The following ZFP41 variants were observed in gnomAD, a reference collection of about 807,000 sequenced individuals.
ZFP41 encodes zinc finger protein 41 homolog.
A neutral mutation model predicts 11.6 loss-of-function variants in ZFP41; 10 were observed. The observed-to-expected ratio is 0.86, with a 90% CI of 0.53 to 1.47. The LOEUF is 1.47. Ranked by LOEUF, ZFP41 falls within the 40% of genes most tolerant of loss-of-function variation. The pLI is 0.00. For missense variants in ZFP41, 302 were observed against 264.6 expected (o/e 1.14, Z -0.98); for synonymous variants, 123 against 100.9 (o/e 1.22, Z -1.31).
At chr8:143,253,742 C>T (rs993427719) in intron 2 of ZFP41, among the ~76,000 whole-genome samples, 2 of 152,106 alleles carry the variant, frequency 1.3e-5, no homozygotes, top group East Asian at 1.9e-4. Context: ...ATTCGGGTCA[C>T]GGGGACAGAT....
At chr8:143,254,733 A>G (rs1291552468) in intron 2 of ZFP41, among the ~76,000 whole-genome samples, 1 of 151,428 alleles carries the variant, frequency 6.6e-6, no homozygotes, top group Non-Finnish European at 1.5e-5. Flanking sequence ...CCCGCGGTCA[A>G]GCGATTCCCC....
chr8:143,250,135 C>T lies in ZFP41; in HGVS notation c.292C>T (p.His98Tyr). The T allele has an allele frequency of 6.2e-7, 1 of 1,614,176 alleles. No homozygotes were observed. The highest frequency in any genetic ancestry group is 8.5e-7 in the Non-Finnish European group (1 of 1,180,034). Reference sequence around the variant, plus strand: ...CAGTGAGTGTGGGCGGATCTTTAAGCACAAGACAGACCACATTCGCCATCA... The same window carrying T: ...CAGTGAGTGTGGGCGGATCTTTAAGTACAAGACAGACCACATTCGCCATCA... ...ECSECGRIFK[H>Y]KTDHIRHQRV... is the part of the protein sequence containing the mutation. Residue 98 changes from histidine to tyrosine, a missense_variant, in exon 2 of 3, where the codon CAC (histidine) becomes TAC (tyrosine). Coordinates refer to ENST00000330701, the MANE Select transcript of ZFP41 (RefSeq NM_173832.6).
intron 2 of ZFP41, among the ~76,000 whole-genome samples, chr8:143,256,053 T>G (rs1440546524): frequency 6.6e-4 from 24 of 36,540 alleles, no homozygotes; most frequent in East Asian, 1.9e-3. Context: ...GCTGGTGTTC[T>G]TGAGATCAGG....
At chr8:143,257,881 T>A (rs1319361425) in intron 2 of ZFP41, among the ~76,000 whole-genome samples, 1 of 152,210 alleles carries the variant, frequency 6.6e-6, no homozygotes, top group East Asian at 1.9e-4. Context: ...TCCAGGTGCT[T>A]TGCACGTGAG....
chr8:143,250,388 A>G lies in ZFP41; in HGVS notation c.545A>G (p.Tyr182Cys), dbSNP rs777544112. 8.7e-6 allele frequency: 14 copies of G among 1,613,872 alleles called. No individual in the cohort carries two copies. Among genetic ancestry groups the G allele is most frequent in the Middle Eastern group, 1.6e-4 (1 of 6,062 alleles). Residue 182 changes from tyrosine (Y) to cysteine (C), a missense_variant, in exon 2 of 3, where the codon TAC becomes TGC. Physicochemically the swap from Tyr to Cys is radical, Grantham distance 194. Transcript: ENST00000330701. ...ACGCACTGTGGGAAAGCCTTTGCCT[A>G]CAGCTCCTGTCTCATCCGCCATCAG... ...ECTHCGKAFA[Y>C]SSCLIRHQKR...
In ZFP41 at chr8:143,250,609, C is replaced by T. The variant is rs72695731; in HGVS notation, c.*169C>T. The T allele has an allele frequency of 0.014, 14,760 of 1,092,514 alleles. 122 individuals are homozygous for T. The highest frequency in any genetic ancestry group is 0.016 in the Non-Finnish European group (12,013 of 772,160). 67.7% of individuals were successfully genotyped at this position (1,092,514 alleles called of 1,614,324 possible). ...CCAGTCAGATGTGGGAACGTGCCAG[C>T]GAGGGAGAGACCTTTCCACTGCAGA... On this transcript the variant is annotated 3_prime_UTR_variant, in exon 2 of 3. Transcript: ENST00000330701.
intron 2 of ZFP41, 110 bp downstream of exon 2, chr8:143,251,450 T>C (rs1814751794): frequency 6.6e-6 from 1 of 152,540 alleles, no homozygotes; most frequent in Non-Finnish European, 1.5e-5. Context: ...CGGGATCCTG[T>C]GCTCTCTAGG....
chr8:143,250,702 T>G lies in ZFP41; in HGVS notation c.*262T>G, dbSNP rs1814721299. On this transcript the variant is annotated 3_prime_UTR_variant, in exon 2 of 3. Transcript: ENST00000330701. ...AGAGGCTCCTTGCAGCCACAGAGCA[T>G]TTTCCAAGTTCCCGATGGCGAACGG... The G allele has an allele frequency of 3.5e-6, 2 of 564,784 alleles. No individual in the cohort carries two copies. The highest frequency in any genetic ancestry group is 5.2e-5 in the South Asian group (2 of 38,134). The allele number at this position is 564,784 out of a possible 1,614,324, so 35.0% of individuals were successfully genotyped here.
chr8:143,258,435 G>A (rs1814961765), intron 2 of ZFP41, among the ~76,000 whole-genome samples: 1 of 152,198 alleles, frequency 6.6e-6, no homozygotes, highest in Non-Finnish European at 1.5e-5. Context: ...AAGAGAAGGA[G>A]CCATGTCCTG....
At chr8:143,256,413 G>A (rs865990305) in intron 2 of ZFP41, among the ~76,000 whole-genome samples, 3 of 151,500 alleles carry the variant, frequency 2.0e-5, no homozygotes, top group Middle Eastern at 3.4e-3. Context: ...GGCTCGCCCC[G>A]CGTGCTGGTG....
intron 2 of ZFP41, among the ~76,000 whole-genome samples, chr8:143,257,644 A>G (rs1814942689): frequency 6.6e-6 from 1 of 152,230 alleles, no homozygotes; most frequent in African/African-American, 2.4e-5. Context: ...TGACTAAGAA[A>G]AAAGGAGCAA....
At position 143,257,188 on chromosome 8, in the gene ZFP41, CAGTT is replaced by C. The variant is rs978651829; in HGVS notation, c.*901-2584_*901-2581del. Among the ~76,000 whole-genome samples the C allele has an allele frequency of 7.2e-5, 11 of 152,304 alleles. No homozygotes were observed. In the East Asian group the frequency reaches 1.7e-3, roughly 24 times the overall value. ...GTCAGGAGGGAAGCACCCAGTGTAACAGTTAGAAGAAGAAAGGCCCAGGCCAGGC... is the reference window on the plus strand; with the variant it reads ...GTCAGGAGGGAAGCACCCAGTGTAACAGAAGAAGAAAGGCCCAGGCCAGGC... On this transcript the variant is annotated intron_variant, in intron 2 of 2. Coordinates refer to ENST00000330701, the MANE Select transcript of ZFP41 (RefSeq NM_173832.6).
chr8:143,260,389 C>T lies in ZFP41; in HGVS notation c.*1515C>T, dbSNP rs557196555. On this transcript the variant is annotated 3_prime_UTR_variant, in exon 3 of 3. Transcript: ENST00000330701. ...GGGCAGTGGGCGCGGGGCGGGGGCT[C>T]CTGACTCCGGTGAGGTCACCCTGGA... is the stretch of plus-strand genomic sequence containing the variant. The T allele has an allele frequency of 1.1e-4, 17 of 155,414 alleles. 1 individual carries two copies. The South Asian group carries it at 2.7e-3, about 25-fold the overall frequency. The allele number at this position is 155,414 out of a possible 1,614,324, so 9.6% of individuals were successfully genotyped here.
At chr8:143,247,486 C>G (rs570361543) in intron 1 of ZFP41, 1 of 152,296 alleles carries the variant, frequency 6.6e-6, no homozygotes, top group East Asian at 1.9e-4. Context: ...CTCAAGCCCA[C>G]TAATGTTCCA....
intron 1 of ZFP41, chr8:143,247,415 TAGCAGGCCCCTGGCAGGCCGTGGACCC>T (rs1034552894): frequency 6.6e-6 from 1 of 152,270 alleles, no homozygotes. Flanking sequence ...TTGGCACAGC[TAGCAGGCCCCTGGCAGGCCGTGGACCC>T]AGCAGGCTGT....
rs143680197 is a variant in ZFP41 at position 143,258,751 on chromosome 8, C to T, written c.*901-1024C>T. ...GGGCAAAAGTCGCAGAAGAAAAAAA[C>T]ATCCATGGCTCGTAAATACCTGAAA... On this transcript the variant is annotated intron_variant, in intron 2 of 2. Transcript: ENST00000330701. 7.5e-3 allele frequency among the ~76,000 whole-genome samples: 1,148 copies of T among 152,314 alleles called. 11 individuals are homozygous for T. The highest frequency in any genetic ancestry group is 0.025 in the African/African-American group (1,031 of 41,558).
chr8:143,250,823 G>C lies in ZFP41; in HGVS notation c.*383G>C. ...CAGCAGGAGAGGCTCCTGGTGTAGT[G>C]GGCAGCCCAGCACTTCCCGCTGCTG... On this transcript the variant is annotated 3_prime_UTR_variant, in exon 2 of 3. Coordinates refer to ENST00000330701, the MANE Select transcript of ZFP41 (RefSeq NM_173832.6). 1 of 264,614 alleles carries C rather than the reference G, an allele frequency of 3.8e-6. No homozygotes were observed. The highest frequency in any genetic ancestry group is 7.8e-6 in the Non-Finnish European group (1 of 127,598). The allele number at this position is 264,614 out of a possible 1,614,324, so 16.4% of individuals were successfully genotyped here. A position where few individuals can be genotyped will look rare whatever the true frequency, so the allele number is the denominator to read the frequency against.
At chr8:143,249,578 C>G in intron 1 of ZFP41, 112 bp from the exon 2 acceptor site, 1 of 395,152 alleles carries the variant, frequency 2.5e-6, no homozygotes, top group Non-Finnish European at 4.4e-6. Flanking sequence ...TCAGCAATGC[C>G]GTTTGAGACA....
intron 2 of ZFP41, among the ~76,000 whole-genome samples, chr8:143,252,149 C>G (rs1239402502): frequency 6.6e-6 from 1 of 152,246 alleles, no homozygotes; most frequent in East Asian, 1.9e-4. Context: ...TCCCGTAAAT[C>G]CCAGAACCAC....
Sources: allele counts gnomAD v4.1 joint callset (sites outside exome capture counted in the v4.1 genomes callset), GRCh38; gene constraint gnomAD v4.1.1; transcripts MANE v1.5; gene names NCBI Gene and HGNC (gene_info 2026-07-23, HGNC 2026-07-21).